GPR139: variants seen among roughly 807,000 people sequenced by gnomAD.
The protein encoded by GPR139 is probable G protein-coupled receptor 139.
A neutral mutation model predicts 25.8 loss-of-function variants in GPR139; 12 were observed. The observed-to-expected ratio is 0.47, with a 90% CI of 0.30 to 0.75. GPR139 has a LOEUF of 0.75. GPR139 is among the 30% of genes least tolerant of loss of function. The pLI is 0.07. For missense variants in GPR139, 380 were observed against 450.2 expected (o/e 0.84, Z 1.41); for synonymous variants, 184 against 179.9 (o/e 1.02, Z -0.18).
rs532445733 is a variant in GPR139 at position 20,035,103 on chromosome 16, A to G, written c.128-2434T>C. On this transcript the variant is annotated intron_variant, in intron 1 of 1. Coordinates refer to ENST00000570682, the MANE Select transcript of GPR139 (RefSeq NM_001002911.4). ...AAAATTTTACTAATTTAGATTCCCAATAGCAGAATATGAGAATTCCAGTTG... is the reference window on the plus strand; with the variant it reads ...AAAATTTTACTAATTTAGATTCCCAGTAGCAGAATATGAGAATTCCAGTTG... Among the ~76,000 whole-genome samples the G allele has an allele frequency of 2.6e-5, 4 of 152,312 alleles. No individual in the cohort carries two copies. In the East Asian group the frequency reaches 5.8e-4, roughly 22 times the overall value.
chr16:20,064,421 G>A (rs1489836724), intron 1 of GPR139, among the ~76,000 whole-genome samples: 2 of 152,272 alleles, frequency 1.3e-5, no homozygotes, highest in East Asian at 3.9e-4. Flanking sequence ...TGTAATTCCA[G>A]CTACTCGGGA....
intron 1 of GPR139, among the ~76,000 whole-genome samples, chr16:20,062,565 A>T (rs980357617): frequency 3.3e-5 from 5 of 152,210 alleles, no homozygotes; most frequent in African/African-American, 1.2e-4. Flanking sequence ...ACAGCAGCCC[A>T]AACAGACCAA....
chr16:20,043,764 G>A (rs1218563910), intron 1 of GPR139, among the ~76,000 whole-genome samples: 1 of 152,206 alleles, frequency 6.6e-6, no homozygotes, highest in South Asian at 2.1e-4. Context: ...ATGCAGTGGT[G>A]TTTTCTCAGT....
At chr16:20,037,206 C>G (rs904663954) in intron 1 of GPR139, among the ~76,000 whole-genome samples, 9 of 152,128 alleles carry the variant, frequency 5.9e-5, no homozygotes, top group Non-Finnish European at 1.3e-4. Context: ...AATCCCAGCA[C>G]TTTAGGAGGC....
At chr16:20,057,592 C>G (rs60330937) in intron 1 of GPR139, among the ~76,000 whole-genome samples, 5,638 of 151,728 alleles carry the variant, frequency 0.037, 350 homozygotes, top group African/African-American at 0.13. Flanking sequence ...TTCCATCCAT[C>G]CCTCCACCCA....
intron 1 of GPR139, among the ~76,000 whole-genome samples, chr16:20,056,640 A>G (rs1419733829): frequency 3.9e-5 from 6 of 152,238 alleles, no homozygotes; most frequent in Admixed American, 3.9e-4. Context: ...ATTGGTCAGC[A>G]CTTTATTAAC....
At chr16:20,038,325 ATATATGTGTGTGTG>A (rs1444342462) in intron 1 of GPR139, among the ~76,000 whole-genome samples, 2 of 48,856 alleles carry the variant, frequency 4.1e-5, no homozygotes, top group Non-Finnish European at 1.0e-4. Context: ...TGGATAATAT[ATATATGTGTGTGTG>A]TGTGTGTGTG....
Position 20,070,230 on chromosome 16 carries a change from A to T in GPR139, c.127+3260T>A, listed in dbSNP as rs114443163. 5.9e-3 allele frequency among the ~76,000 whole-genome samples: 902 copies of T among 152,332 alleles called. 15 individuals carry two copies. The highest frequency in any genetic ancestry group is 0.02 in the African/African-American group (843 of 41,572). ...GTAAAATGAGTTCAAAGACAGGTAT[A>T]GGTCGCAGAGGTGTGGCAGGGATTA... On this transcript the variant is annotated intron_variant, in intron 1 of 1. Transcript: ENST00000570682.
intron 1 of GPR139, among the ~76,000 whole-genome samples, chr16:20,065,245 AC>A (rs2057427538): frequency 6.6e-6 from 1 of 152,198 alleles, no homozygotes; most frequent in African/African-American, 2.4e-5. Context: ...AACATGTGAA[AC>A]AATGGACATT....
At chr16:20,050,831 G>A (rs567707759) in intron 1 of GPR139, among the ~76,000 whole-genome samples, 38 of 152,302 alleles carry the variant, frequency 2.5e-4, no homozygotes, top group African/African-American at 7.9e-4. Context: ...GGAGGCTGAG[G>A]TGGGCAGATA....
chr16:20,072,821 C>A (rs1446814314), intron 1 of GPR139, among the ~76,000 whole-genome samples: 2 of 152,180 alleles, frequency 1.3e-5, no homozygotes, highest in African/African-American at 2.4e-5. Flanking sequence ...GAGACTGTGA[C>A]CCCCTGAGGT....
intron 1 of GPR139, among the ~76,000 whole-genome samples, chr16:20,071,495 A>G (rs1305614114): frequency 6.6e-6 from 1 of 152,180 alleles, no homozygotes; most frequent in African/African-American, 2.4e-5. Flanking sequence ...TGTCCTTTTG[A>G]CACCCAGTTA....
At chr16:20,070,956 C>T (rs1221759154) in intron 1 of GPR139, 93 of 985,426 alleles carry the variant, frequency 9.4e-5, no homozygotes, top group Non-Finnish European at 1.1e-4. Context: ...CTCAGTCCCT[C>T]CTCTGGTCAC....
chr16:20,032,721 G>T (rs1343466301), intron 1 of GPR139, 52 bp from the exon 2 acceptor site: 1 of 1,358,910 alleles, frequency 7.4e-7, no homozygotes. Context: ...TGACTTCGTT[G>T]GCTCCTATGG....
intron 1 of GPR139, among the ~76,000 whole-genome samples, chr16:20,043,162 G>A (rs144340357): frequency 1.1e-4 from 16 of 152,342 alleles, no homozygotes; most frequent in Middle Eastern, 6.8e-3. Flanking sequence ...ATGGAGAAAG[G>A]TGAGTCAGCA....
chr16:20,061,037 T>C (rs1289399017), intron 1 of GPR139, among the ~76,000 whole-genome samples: 2 of 145,404 alleles, frequency 1.4e-5, no homozygotes, highest in Non-Finnish European at 3.0e-5. Context: ...CTTATTTGGG[T>C]TTCTGATCAT....
intron 1 of GPR139, among the ~76,000 whole-genome samples, chr16:20,042,132 T>C (rs2057338619): frequency 6.6e-6 from 1 of 152,174 alleles, no homozygotes; most frequent in Non-Finnish European, 1.5e-5. Flanking sequence ...CCTCAGTTCT[T>C]ACATCTGTGA....
intron 1 of GPR139, among the ~76,000 whole-genome samples, chr16:20,072,267 C>T (rs2057462272): frequency 6.6e-6 from 1 of 152,122 alleles, no homozygotes. Flanking sequence ...TCATGCCTGC[C>T]AAATTTGGGA....
intron 1 of GPR139, among the ~76,000 whole-genome samples, chr16:20,045,410 T>A (rs2057351016): frequency 6.6e-6 from 1 of 152,114 alleles, no homozygotes; most frequent in African/African-American, 2.4e-5. Context: ...TTTGCCCAGA[T>A]CAGACAGAAA....
Sources: allele counts gnomAD v4.1 joint callset (sites outside exome capture counted in the v4.1 genomes callset), GRCh38; gene constraint gnomAD v4.1.1; transcripts MANE v1.5; gene names NCBI Gene and HGNC (gene_info 2026-07-23, HGNC 2026-07-21).